Variants in GABRB1 observed in about 807,000 individuals in gnomAD.
GABRB1 encodes the protein gamma-aminobutyric acid receptor subunit beta-1.
In GABRB1, 17 loss-of-function variants were observed where a neutral mutation model predicts 51.6. The observed-to-expected ratio is 0.33, with a 90% confidence interval of 0.23 to 0.49. The LOEUF (loss-of-function observed/expected upper bound fraction) is 0.49, where lower values mean the gene tolerates loss of function less well. GABRB1 is among the 20% of genes least tolerant of loss of function. The pLI is 0.99. For missense variants in GABRB1, 410 were observed against 600.6 expected (o/e 0.68, Z 3.32); for synonymous variants, 247 against 218.9 (o/e 1.13, Z -1.14).
intron 8 of GABRB1, among the ~76,000 whole-genome samples, chr4:47,419,393 A>C (rs1729028674): frequency 6.6e-6 from 1 of 152,180 alleles, no homozygotes; most frequent in Admixed American, 6.5e-5. Flanking sequence ...CATGACCTTC[A>C]GGAAGGAGAT....
At chr4:47,326,121 A>T (rs995884566) in intron 5 of GABRB1, among the ~76,000 whole-genome samples, 1 of 152,200 alleles carries the variant, frequency 6.6e-6, no homozygotes, top group Non-Finnish European at 1.5e-5. Flanking sequence ...GGCATAAATC[A>T]TCCCTTTATC....
chr4:47,001,685 A>G (rs4695186), intron 1 of GABRB1, among the ~76,000 whole-genome samples: 12,495 of 152,222 alleles, frequency 0.082, 604 homozygotes, highest in South Asian at 0.17. Context: ...TTCCCTGCAG[A>G]TTTTGGGTTT....
At chr4:47,385,928 C>T (rs140489599) in intron 5 of GABRB1, among the ~76,000 whole-genome samples, 58 of 152,302 alleles carry the variant, frequency 3.8e-4, no homozygotes, top group African/African-American at 1.3e-3. Flanking sequence ...GAAAGAGACA[C>T]ATAGGGCAAA....
chr4:47,067,359 C>T (rs1472915475), intron 3 of GABRB1, among the ~76,000 whole-genome samples: 1 of 152,176 alleles, frequency 6.6e-6, no homozygotes, highest in African/African-American at 2.4e-5. Flanking sequence ...TCAGCCTGTC[C>T]TTTGAAGCTG....
intron 4 of GABRB1, among the ~76,000 whole-genome samples, chr4:47,264,368 T>C (rs1722566383): frequency 6.6e-6 from 1 of 152,178 alleles, no homozygotes; most frequent in Admixed American, 6.5e-5. Flanking sequence ...GGCCCTATGT[T>C]ATGGGGCAAT....
intron 1 of GABRB1, among the ~76,000 whole-genome samples, chr4:46,997,008 G>T (rs1307131235): frequency 6.6e-6 from 1 of 152,076 alleles, no homozygotes; most frequent in African/African-American, 2.4e-5. Flanking sequence ...AGAAGCTATT[G>T]ACAATTTTAT....
At chr4:47,109,701 A>T (rs1048617079) in intron 3 of GABRB1, among the ~76,000 whole-genome samples, 2 of 152,160 alleles carry the variant, frequency 1.3e-5, no homozygotes, top group Non-Finnish European at 2.9e-5. Flanking sequence ...CTCACCTGGG[A>T]TGCTGAAGCT....
At chr4:47,107,938 C>A (rs1577914551) in intron 3 of GABRB1, among the ~76,000 whole-genome samples, 1 of 151,994 alleles carries the variant, frequency 6.6e-6, no homozygotes, top group Non-Finnish European at 1.5e-5. Context: ...CATTTGAATT[C>A]TTTTTATCAA....
chr4:47,271,912 G>T (rs544786503), intron 4 of GABRB1, among the ~76,000 whole-genome samples: 1 of 151,870 alleles, frequency 6.6e-6, no homozygotes, highest in South Asian at 2.1e-4. Context: ...GTTGATCTAG[G>T]TTCTAAACAA....
Position 47,127,743 on chromosome 4 carries a change from G to C in GABRB1, c.241-33506G>C, listed in dbSNP as rs113384748. 1.8e-3 allele frequency among the ~76,000 whole-genome samples: 276 copies of C among 151,898 alleles called. 1 individual carries two copies. Among genetic ancestry groups the C allele is most frequent in the African/African-American group, 6.2e-3 (257 of 41,496 alleles). On this transcript the variant is annotated intron_variant, in intron 3 of 8. Transcript: ENST00000295454. ...CTGTATAATCTTAGGGAAGTATATA[G>C]AGCTTTTTGTGTCTCCAGTTACTTA...
chr4:47,167,949 A>G (rs1355407694), intron 4 of GABRB1, among the ~76,000 whole-genome samples: 1 of 152,172 alleles, frequency 6.6e-6, no homozygotes, highest in East Asian at 1.9e-4. Flanking sequence ...ATAGCAACAC[A>G]AAATGGACTA....
chr4:47,117,117 AAC>A (rs1469598956), intron 3 of GABRB1, among the ~76,000 whole-genome samples: 1 of 152,158 alleles, frequency 6.6e-6, no homozygotes, highest in Non-Finnish European at 1.5e-5. Flanking sequence ...AGCATAATAA[AAC>A]ACAAGCCCTT....
chr4:47,212,155 T>C (rs1452400449), intron 4 of GABRB1, among the ~76,000 whole-genome samples: 2 of 152,108 alleles, frequency 1.3e-5, no homozygotes, highest in South Asian at 2.1e-4. Context: ...GGACTTTTAA[T>C]ATAAAGCAAC....
At chr4:47,345,367 T>G (rs1726052439) in intron 5 of GABRB1, among the ~76,000 whole-genome samples, 1 of 152,136 alleles carries the variant, frequency 6.6e-6, no homozygotes, top group African/African-American at 2.4e-5. Flanking sequence ...CCAATAAAGG[T>G]AAAATTGCTA....
chr4:47,048,134 A>T (rs542495286), intron 3 of GABRB1, among the ~76,000 whole-genome samples: 3 of 152,264 alleles, frequency 2.0e-5, no homozygotes, highest in African/African-American at 7.2e-5. Flanking sequence ...ATTACAAATG[A>T]TCCATCATAG....
chr4:47,059,887 C>A (rs1726773824), intron 3 of GABRB1, among the ~76,000 whole-genome samples: 1 of 152,214 alleles, frequency 6.6e-6, no homozygotes. Flanking sequence ...ATTGTAAAAT[C>A]TACCCGCTGT....
intron 3 of GABRB1, among the ~76,000 whole-genome samples, chr4:47,040,049 T>C (rs772034303): frequency 6.6e-6 from 1 of 152,222 alleles, no homozygotes; most frequent in Non-Finnish European, 1.5e-5. Flanking sequence ...GAATATTTAC[T>C]GTCTTTTATA....
At chr4:47,423,498 G>A (rs1041022730) in intron 8 of GABRB1, among the ~76,000 whole-genome samples, 8 of 152,198 alleles carry the variant, frequency 5.3e-5, no homozygotes. Flanking sequence ...AGTGCTAAGG[G>A]TTTTTGTTGG....
chr4:47,350,706 A>C (rs1409456235), intron 5 of GABRB1, among the ~76,000 whole-genome samples: 1 of 152,192 alleles, frequency 6.6e-6, no homozygotes, highest in Non-Finnish European at 1.5e-5. Flanking sequence ...TATACCACCC[A>C]GAAAAATAAT....
Sources: gnomAD v4.1 joint callset for allele counts (sites outside exome capture counted in the v4.1 genomes callset) on GRCh38, gnomAD v4.1.1 for gene constraint, MANE v1.5 for transcripts, NCBI Gene and HGNC (gene_info 2026-07-23, HGNC 2026-07-21) for gene names.